DNAJB14: variants seen among roughly 807,000 people sequenced by gnomAD.
DNAJB14 encodes the protein DnaJ heat shock protein family (Hsp40) member B14, also known as dnaJ homolog subfamily B member 14.
In DNAJB14, 22 loss-of-function variants were observed where a neutral mutation model predicts 48.4. The observed-to-expected ratio is 0.45, with a 90% confidence interval of 0.32 to 0.65. The LOEUF (loss-of-function observed/expected upper bound fraction) is 0.65. Ranked by LOEUF, DNAJB14 falls within the 30% of genes least tolerant of loss-of-function variation. DNAJB14 has a pLI of 0.03. For synonymous variants in DNAJB14, 142 were observed against 158.7 expected, an observed-to-expected ratio of 0.89 and a Z score of 0.79; for missense variants, 319 against 458.8, an observed-to-expected ratio of 0.70 and a Z score of 2.78.
intron 2 of DNAJB14, 39 bp downstream of exon 2, chr4:99,930,411 A>G: frequency 1.3e-6 from 2 of 1,536,956 alleles, no homozygotes; most frequent in Non-Finnish European, 1.8e-6. Context: ...GTACATTAAT[A>G]CCAATTATGA....
intron 1 of DNAJB14, among the ~76,000 whole-genome samples, chr4:99,942,734 C>T (rs1252812753): frequency 2.0e-5 from 3 of 152,032 alleles, no homozygotes; most frequent in Non-Finnish European, 2.9e-5. Context: ...AGACTTCCTA[C>T]CTGGCAAAAA....
At chr4:99,913,621 G>GTT (rs372025043) in intron 3 of DNAJB14, among the ~76,000 whole-genome samples, 44 of 107,622 alleles carry the variant, frequency 4.1e-4, no homozygotes, top group African/African-American at 9.2e-4. Context: ...CTGGTCTGTA[G>GTT]TTTTTTTTTT....
intron 3 of DNAJB14, among the ~76,000 whole-genome samples, chr4:99,922,017 A>G (rs945318913): frequency 6.6e-6 from 1 of 152,218 alleles, no homozygotes; most frequent in Non-Finnish European, 1.5e-5. Context: ...GTTTTGGAGT[A>G]AAGCTTTTCC....
chr4:99,918,812 CTG>C (rs1254250001), intron 3 of DNAJB14, among the ~76,000 whole-genome samples: 2 of 152,338 alleles, frequency 1.3e-5, no homozygotes, highest in Non-Finnish European at 2.9e-5. Flanking sequence ...GAAGTCCTGA[CTG>C]TGCATTAGGC....
intron 2 of DNAJB14, chr4:99,927,159 T>A (rs1726286646): frequency 6.6e-6 from 1 of 152,144 alleles, no homozygotes; most frequent in African/African-American, 2.4e-5. Context: ...AAGGAAATAA[T>A]GTACAACAAG....
chr4:99,931,037 C>T (rs1332705646), intron 1 of DNAJB14, among the ~76,000 whole-genome samples: 2 of 152,092 alleles, frequency 1.3e-5, no homozygotes, highest in Non-Finnish European at 2.9e-5. Flanking sequence ...CATCCAAATG[C>T]TCAGAAAAAA....
chr4:99,931,180 A>C (rs1439631693), intron 1 of DNAJB14, among the ~76,000 whole-genome samples: 1 of 152,212 alleles, frequency 6.6e-6, no homozygotes, highest in African/African-American at 2.4e-5. Context: ...TTCAGGCAAA[A>C]GGAAAACATT....
intron 3 of DNAJB14, among the ~76,000 whole-genome samples, chr4:99,917,307 A>T (rs1398002847): frequency 6.6e-6 from 1 of 152,216 alleles, no homozygotes; most frequent in African/African-American, 2.4e-5. Context: ...GTCCATTCAG[A>T]CTACTATAAC....
chr4:99,930,227 A>C, intron 2 of DNAJB14: 7 of 339,070 alleles, frequency 2.1e-5, no homozygotes, highest in Non-Finnish European at 2.6e-5. Flanking sequence ...ATTATTTGGA[A>C]AAAGCTTTGT....
At chr4:99,922,517 ATAG>A (rs764302972) in intron 3 of DNAJB14, 4 of 151,842 alleles carry the variant, frequency 2.6e-5, no homozygotes, top group Non-Finnish European at 2.9e-5. Flanking sequence ...AAAAAAATAA[ATAG>A]TAGGCAAGAG....
chr4:99,928,039 C>T (rs141045402), intron 2 of DNAJB14: 1 of 151,588 alleles, frequency 6.6e-6, no homozygotes, highest in East Asian at 1.9e-4. Context: ...ATATTTAGTC[C>T]CCAAAAGAAA....
Position 99,897,904 on chromosome 4 carries a change from A to T in DNAJB14, c.*3124T>A, listed in dbSNP as rs1238950563. On this transcript the variant is annotated 3_prime_UTR_variant, in exon 8 of 8. Coordinates refer to ENST00000442697, the MANE Select transcript of DNAJB14 (RefSeq NM_001031723.4). Reference sequence around the variant, plus strand: ...CTGATATAAAACTTGCTTAACTGGCAAGATGGCTCACTTGGTCCTCAAGCC... The same window carrying T: ...CTGATATAAAACTTGCTTAACTGGCTAGATGGCTCACTTGGTCCTCAAGCC... 1.3e-5 allele frequency: 2 copies of T among 152,002 alleles called. No homozygotes were observed. The allele number at this position is 152,002 out of a possible 1,614,324, so 9.4% of individuals were successfully genotyped here.
chr4:99,904,437 GT>G (rs1293228810), intron 6 of DNAJB14, among the ~76,000 whole-genome samples: 1 of 152,048 alleles, frequency 6.6e-6, no homozygotes, highest in African/African-American at 2.4e-5. Context: ...TACAAACTTT[GT>G]TTCATGTACA....
chr4:99,903,197 G>C (rs981507220), intron 7 of DNAJB14, among the ~76,000 whole-genome samples: 1 of 152,078 alleles, frequency 6.6e-6, no homozygotes, highest in African/African-American at 2.4e-5. Flanking sequence ...AGATGGAACT[G>C]TTCCTTAAAT....
rs138250344 is a variant in DNAJB14 at position 99,905,502 on chromosome 4, C to A, written c.842+95G>T. Reference sequence around the variant, plus strand: ...GGTACACTTGCAGTAATAGATTTGGCACTTAAAAGTTTAAAAGAGCACAAG... The same window carrying A: ...GGTACACTTGCAGTAATAGATTTGGAACTTAAAAGTTTAAAAGAGCACAAG... On this transcript the variant is annotated intron_variant, in intron 6 of 7. Coordinates refer to ENST00000442697, the MANE Select transcript of DNAJB14 (RefSeq NM_001031723.4). 2.8e-5 allele frequency: 23 copies of A among 814,748 alleles called. No individual in the cohort carries two copies. The African/African-American group carries it at 3.6e-4, about 13-fold the overall frequency. 50.5% of individuals were successfully genotyped at this position (814,748 alleles called of 1,614,324 possible).
chr4:99,910,977 AT>A (rs1354598390), intron 3 of DNAJB14, among the ~76,000 whole-genome samples: 2 of 152,054 alleles, frequency 1.3e-5, no homozygotes, highest in Non-Finnish European at 2.9e-5. Flanking sequence ...GATATAGAAC[AT>A]TTCTAACACC....
At position 99,898,299 on chromosome 4, in the gene DNAJB14, A is replaced by G. The variant is rs1725191513; in HGVS notation, c.*2729T>C. 6.6e-6 allele frequency: 1 copy of G among 152,016 alleles called. No individual in the cohort carries two copies. Among genetic ancestry groups the G allele is most frequent in the Admixed American group, 6.5e-5 (1 of 15,268 alleles). 9.4% of individuals were successfully genotyped at this position (152,016 alleles called of 1,614,324 possible). On this transcript the variant is annotated 3_prime_UTR_variant, in exon 8 of 8. Transcript: ENST00000442697. ...ACCAAATCTTTGTAAATCATAAACA[A>G]GCATGTAATGATTATGAAACAAATA...
chr4:99,916,643 T>C (rs1355493172), intron 3 of DNAJB14, among the ~76,000 whole-genome samples: 1 of 152,206 alleles, frequency 6.6e-6, no homozygotes, highest in African/African-American at 2.4e-5. Flanking sequence ...TTTTGACTTA[T>C]CAACAGTGTG....
At chr4:99,906,645 A>C (rs1167844109) in intron 4 of DNAJB14, 34 bp from the exon 5 acceptor site, 2 of 1,505,828 alleles carry the variant, frequency 1.3e-6, no homozygotes, top group Non-Finnish European at 1.8e-6. Flanking sequence ...AATTAGGGAG[A>C]GCAATTATGA....
Sources: gnomAD v4.1 joint callset for allele counts (sites outside exome capture counted in the v4.1 genomes callset) on GRCh38, gnomAD v4.1.1 for gene constraint, MANE v1.5 for transcripts, NCBI Gene and HGNC (gene_info 2026-07-23, HGNC 2026-07-21) for gene names.